Variants in SAG observed in about 807,000 individuals in gnomAD.
SAG encodes S-antigen visual arrestin.
SAG carries 45 observed loss-of-function variants against 55.0 expected under a neutral mutation model. That is an observed-to-expected ratio of 0.82 (90% confidence interval 0.64 to 1.05). The LOEUF (loss-of-function observed/expected upper bound fraction) is 1.05, where lower values mean the gene tolerates loss of function less well. Ranked by LOEUF, SAG falls within the 50% of genes least tolerant of loss-of-function variation. The pLI is 0.00. For synonymous variants in SAG, 189 were observed against 197.4 expected (o/e 0.96, Z 0.36); for missense variants, 455 against 512.1 (o/e 0.89, Z 1.08).
intron 10 of SAG, chr2:233,333,132 C>CAGG (rs1700820872): frequency 6.6e-6 from 1 of 152,232 alleles, no homozygotes; most frequent in South Asian, 2.1e-4. Flanking sequence ...TTAGGAGAAA[C>CAGG]TATTACTGTT....
intron 5 of SAG, 127 bp from the exon 6 acceptor site, chr2:233,322,819 T>C: frequency 1.5e-6 from 1 of 662,746 alleles, no homozygotes; most frequent in Non-Finnish European, 2.6e-6. Flanking sequence ...GTCAGGAGTA[T>C]AGGTGAATGT....
chr2:233,309,359 C>G (rs1056322649), intron 2 of SAG, 95 bp downstream of exon 2: 1 of 1,163,770 alleles, frequency 8.6e-7, no homozygotes, highest in Non-Finnish European at 1.3e-6. Context: ...AACATCAAAA[C>G]TCTTTGAGGG....
At chr2:233,346,266 T>A (rs1364790053) in intron 14 of SAG, 137 bp from the exon 15 acceptor site, 3 of 863,724 alleles carry the variant, frequency 3.5e-6, no homozygotes, top group South Asian at 1.4e-5. Context: ...GAACTGCATG[T>A]ATCTAGGCCT....
At chr2:233,316,240 A>G in intron 3 of SAG, 105 bp downstream of exon 3, 1 of 649,434 alleles carries the variant, frequency 1.5e-6, no homozygotes, top group South Asian at 1.9e-5. Context: ...CTAAATAAAG[A>G]CATGCAAATT....
intron 5 of SAG, among the ~76,000 whole-genome samples, chr2:233,322,148 TG>T (rs1257096959): frequency 7.5e-6 from 1 of 132,766 alleles, no homozygotes; most frequent in Non-Finnish European, 1.5e-5. Context: ...ATCGCGCCAC[TG>T]CACTCCAGCC....
At chr2:233,323,633 G>T (rs937350652) in intron 6 of SAG, among the ~76,000 whole-genome samples, 5 of 152,222 alleles carry the variant, frequency 3.3e-5, no homozygotes, top group Non-Finnish European at 5.9e-5. Context: ...AAAGTCCTGG[G>T]ATTACAGGCG....
At chr2:233,308,287 C>T (rs1699994460) in intron 1 of SAG, among the ~76,000 whole-genome samples, 1 of 152,098 alleles carries the variant, frequency 6.6e-6, no homozygotes, top group South Asian at 2.1e-4. Flanking sequence ...CAGTCAGACC[C>T]AGTCTCTACA....
At chr2:233,328,641 C>T (rs955733862) in intron 8 of SAG, 28 bp downstream of exon 8, 1 of 1,588,184 alleles carries the variant, frequency 6.3e-7, no homozygotes, top group Non-Finnish European at 8.6e-7. Flanking sequence ...CTACTACCCG[C>T]AGGGCAGCAG....
chr2:233,340,440 G>A lies in SAG; in HGVS notation c.1023-15G>A. 1 of 1,609,970 alleles carries A rather than the reference G, an allele frequency of 6.2e-7. No individual in the cohort carries two copies. Among genetic ancestry groups the A allele is most frequent in the South Asian group, 1.1e-5 (1 of 90,252 alleles). ...CTGTGACAGTTAACGACAGGCGTTTGTTTGTGTTTTCTAGCTTTCTGGGAG... is the reference window on the plus strand; with the variant it reads ...CTGTGACAGTTAACGACAGGCGTTTATTTGTGTTTTCTAGCTTTCTGGGAG... On this transcript the variant is annotated splice_polypyrimidine_tract_variant and intron_variant, in intron 12 of 15. Coordinates refer to ENST00000409110, the MANE Select transcript of SAG (RefSeq NM_000541.5). This position sits in a 1 kb window ranked among gnomAD's most constrained non-coding sequence, Gnocchi z 4.2.
At chr2:233,334,544 C>T (rs940134774) in intron 10 of SAG, 1 of 167,640 alleles carries the variant, frequency 6.0e-6, no homozygotes, top group Non-Finnish European at 1.3e-5. Flanking sequence ...CACACTGTGA[C>T]CCCCTTATAG....
chr2:233,330,471 CCCTCCCTTCCTT>C (rs60356930), intron 9 of SAG, among the ~76,000 whole-genome samples: 15,451 of 111,908 alleles, frequency 0.14, 1,189 homozygotes, highest in African/African-American at 0.14. Context: ...ACTTTTCCCT[CCCTCCCTTCCTT>C]CCTTCCTTCC....
rs745366073 is a variant in SAG, at chr2:233,341,304, C to T, written c.1046+826C>T. ...GATTACAGGTGCACGCCACTATGCC[C>T]GACTAAGAGCTGAGATGATGCAGTA... On this transcript the variant is annotated intron_variant, in intron 13 of 15. Coordinates refer to ENST00000409110, the MANE Select transcript of SAG (RefSeq NM_000541.5). Among the ~76,000 whole-genome samples the T allele has an allele frequency of 7.9e-4, 120 of 152,076 alleles. 1 individual carries two copies. Among genetic ancestry groups the T allele is most frequent in the Non-Finnish European group, 8.8e-4 (60 of 68,028 alleles).
rs978945070 is a variant in SAG at position 233,316,096 on chromosome 2, A to G, written c.97A>G (p.Arg33Gly). 1.3e-6 allele frequency: 2 copies of G among 1,598,232 alleles called. No individual in the cohort carries two copies. Among genetic ancestry groups the G allele is most frequent in the Non-Finnish European group, 1.7e-6 (2 of 1,170,524 alleles). The change falls in exon 3 of 16, where the codon AGA becomes GGA. Residue 33 changes from arginine to glycine, a missense_variant. Transcript: ENST00000409110. ...GCAGGTGACCATCTACCTGGGGAACAGAGACTACATAGACCATGTCAGCCA... is the reference window on the plus strand; with the variant it reads ...GCAGGTGACCATCTACCTGGGGAACGGAGACTACATAGACCATGTCAGCCA... ...DKSVTIYLGNRDYIDHVSQVQ... is the reference protein window; with the variant it reads ...DKSVTIYLGNGDYIDHVSQVQ...
intron 6 of SAG, among the ~76,000 whole-genome samples, chr2:233,326,083 C>T (rs1419981715): frequency 6.6e-6 from 1 of 152,026 alleles, no homozygotes; most frequent in African/African-American, 2.4e-5. Context: ...AGGCCGGTGC[C>T]CTCCTCTGGC....
chr2:233,328,408 G>A, intron 7 of SAG, 70 bp from the exon 8 acceptor site: 10 of 1,545,776 alleles, frequency 6.5e-6, no homozygotes, highest in Non-Finnish European at 8.0e-6. Flanking sequence ...TGACAGTGGG[G>A]AGAGAACAGA....
chr2:233,340,664 A>T lies in SAG; in HGVS notation c.1046+186A>T, dbSNP rs1244498400. 6.6e-6 allele frequency among the ~76,000 whole-genome samples: 1 copy of T among 152,002 alleles called. No homozygotes were observed. Among genetic ancestry groups the T allele is most frequent in the Non-Finnish European group, 1.5e-5 (1 of 68,010 alleles). On this transcript the variant is annotated intron_variant, in intron 13 of 15. Coordinates refer to ENST00000409110, the MANE Select transcript of SAG (RefSeq NM_000541.5). This position sits in a 1 kb window ranked among gnomAD's most constrained non-coding sequence, Gnocchi z 4.2. ...CTCATAGGCGTTTCTTTGGGACCAGATTTCTTTGGGACCACAGCTAGACCT... is the reference window on the plus strand; with the variant it reads ...CTCATAGGCGTTTCTTTGGGACCAGTTTTCTTTGGGACCACAGCTAGACCT...
chr2:233,337,364 G>A (rs1026496834), intron 11 of SAG, among the ~76,000 whole-genome samples: 2 of 152,108 alleles, frequency 1.3e-5, no homozygotes, highest in Admixed American at 1.3e-4. Context: ...TCAGCCTCCT[G>A]AGTAGCTGGG....
In SAG at chr2:233,319,065, C is replaced by G. The variant is rs61311555; in HGVS notation, c.181+270C>G. 7,535 of 647,232 alleles carry G rather than the reference C, an allele frequency of 0.012. 430 individuals are homozygous for G. The African/African-American group carries it at 0.12, about 10-fold the overall frequency. The allele number at this position is 647,232 out of a possible 1,614,324, so 40.1% of individuals were successfully genotyped here. A position where few individuals can be genotyped will look rare whatever the true frequency, so the allele number is the denominator to read the frequency against. ...TGGTAGACGGAGCCCAGGTCTGTGG[C>G]CCCCATTCCTGTTTGCTCGCCCCTG... is the stretch of plus-strand genomic sequence containing the variant. On this transcript the variant is annotated intron_variant, in intron 4 of 15. Coordinates refer to ENST00000409110, the MANE Select transcript of SAG (RefSeq NM_000541.5). This position sits in a 1 kb window ranked among gnomAD's most constrained non-coding sequence, Gnocchi z 4.4.
intron 14 of SAG, chr2:233,344,782 T>A (rs980282885): frequency 1.4e-4 from 21 of 152,350 alleles, no homozygotes; most frequent in African/African-American, 5.1e-4. Context: ...TATATGTAGT[T>A]AAGCCCTGCT....
Sources: allele counts gnomAD v4.1 joint callset (sites outside exome capture counted in the v4.1 genomes callset), GRCh38; gene constraint gnomAD v4.1.1; non-coding constraint Gnocchi (gnomAD v3.1); transcripts MANE v1.5; gene names NCBI Gene and HGNC (gene_info 2026-07-23, HGNC 2026-07-21).